Variants in ABL2 observed in about 807,000 individuals in gnomAD.
ABL2 encodes tyrosine-protein kinase ABL2.
In ABL2, 49 loss-of-function variants were observed where a neutral mutation model predicts 107.7. The ratio of observed to expected loss-of-function variants is 0.45; its 90% CI spans 0.36 to 0.58. The LOEUF (loss-of-function observed/expected upper bound fraction) is 0.58, where lower values mean the gene tolerates loss of function less well. Ranked by LOEUF, ABL2 falls within the 20% of genes least tolerant of loss-of-function variation. The pLI, the probability that ABL2 is intolerant of heterozygous loss-of-function variation, is 0.00. For missense variants in ABL2, 1,245 were observed against 1,457.0 expected (o/e 0.85, Z 2.37); for synonymous variants, 549 against 548.6 (o/e 1.00, Z -0.01).
intron 1 of ABL2, among the ~76,000 whole-genome samples, chr1:179,226,372 G>A (rs532433056): frequency 2.1e-3 from 307 of 146,200 alleles, no homozygotes; most frequent in African/African-American, 7.5e-3. Flanking sequence ...GGAGTGGCGC[G>A]ATCTTGGCTC....
intron 1 of ABL2, among the ~76,000 whole-genome samples, chr1:179,136,145 C>T (rs541166557): frequency 6.6e-6 from 1 of 151,962 alleles, no homozygotes; most frequent in Non-Finnish European, 1.5e-5. Flanking sequence ...GGCGCCTCTG[C>T]CCGGCTGCCC....
chr1:179,120,326 A>C (rs778327552), intron 5 of ABL2, 52 bp from the exon 6 acceptor site: 1 of 1,161,034 alleles, frequency 8.6e-7, no homozygotes, highest in East Asian at 2.4e-5. Context: ...CAAACCCTCA[A>C]CTTAAAATCA....
At chr1:179,130,911 G>A (rs887900803) in intron 3 of ABL2, among the ~76,000 whole-genome samples, 31 of 151,224 alleles carry the variant, frequency 2.0e-4, no homozygotes, top group East Asian at 5.8e-4. Context: ...AGCCACTGCC[G>A]GGGAAAAAAA....
chr1:179,172,473 G>C (rs1251136070), intron 1 of ABL2, among the ~76,000 whole-genome samples: 1 of 152,126 alleles, frequency 6.6e-6, no homozygotes, highest in Admixed American at 6.5e-5. Flanking sequence ...ACCTACACAG[G>C]AGCTAAAGGT....
At chr1:179,111,281 C>CTTTTTTT (rs748453531) in intron 10 of ABL2, among the ~76,000 whole-genome samples, 3 of 82,272 alleles carry the variant, frequency 3.6e-5, no homozygotes, top group Admixed American at 1.5e-4. Flanking sequence ...AGTGCTCAGT[C>CTTTTTTT]TTTTTTTTTT....
intron 1 of ABL2, among the ~76,000 whole-genome samples, chr1:179,144,045 A>T (rs968487649): frequency 5.9e-5 from 9 of 152,234 alleles, no homozygotes; most frequent in South Asian, 2.1e-4. Context: ...GTTAATAAAC[A>T]GGAACAAAGT....
At chr1:179,176,828 T>G (rs1660078252) in intron 1 of ABL2, among the ~76,000 whole-genome samples, 1 of 151,480 alleles carries the variant, frequency 6.6e-6, no homozygotes, top group Non-Finnish European at 1.5e-5. Flanking sequence ...CCCAAGTAGC[T>G]GGGATTACAG....
chr1:179,111,345 G>A (rs1484525951), intron 10 of ABL2, among the ~76,000 whole-genome samples: 1 of 146,466 alleles, frequency 6.8e-6, no homozygotes, highest in African/African-American at 2.6e-5. Context: ...AAGTGCAGAG[G>A]TGCGATCTCA....
chr1:179,140,984 C>T (rs1402839987), intron 1 of ABL2, among the ~76,000 whole-genome samples: 5 of 151,876 alleles, frequency 3.3e-5, no homozygotes, highest in Non-Finnish European at 7.4e-5. Flanking sequence ...GGTGTGGTGG[C>T]GGGTGCCTGT....
intron 1 of ABL2, among the ~76,000 whole-genome samples, chr1:179,191,304 A>G (rs577791665): frequency 4.9e-4 from 74 of 152,182 alleles, no homozygotes; most frequent in African/African-American, 1.7e-3. Flanking sequence ...AGATGATTGC[A>G]CTTAATTTTC....
intron 1 of ABL2, chr1:179,196,721 A>G (rs953798469): frequency 6.6e-6 from 1 of 151,890 alleles, no homozygotes; most frequent in Admixed American, 6.6e-5. Context: ...GATCAGCACC[A>G]CTGCACTCCA....
chr1:179,221,013 T>C (rs1209557131), intron 1 of ABL2: 1 of 216,696 alleles, frequency 4.6e-6, no homozygotes, highest in Non-Finnish European at 9.8e-6. Flanking sequence ...AATTTACAGA[T>C]GAGGCTTTCA....
At chr1:179,155,212 A>G (rs1658610306) in intron 1 of ABL2, among the ~76,000 whole-genome samples, 2 of 152,186 alleles carry the variant, frequency 1.3e-5, no homozygotes, top group Admixed American at 1.3e-4. Context: ...GACTTTGAAA[A>G]CAGCCAGGCC....
At chr1:179,168,461 C>G (rs1008292650) in intron 1 of ABL2, among the ~76,000 whole-genome samples, 6 of 151,938 alleles carry the variant, frequency 3.9e-5, no homozygotes, top group Admixed American at 1.3e-4. Flanking sequence ...CTGAATCCAA[C>G]CAAGATGCAG....
intron 1 of ABL2, among the ~76,000 whole-genome samples, chr1:179,204,109 C>T (rs527394212): frequency 1.7e-4 from 26 of 152,084 alleles, no homozygotes; most frequent in Non-Finnish European, 2.4e-4. Context: ...TCACTGCAAC[C>T]TCCACCTCCC....
At position 179,201,855 on chromosome 1, in the gene ABL2, CTT is replaced by C. The variant is rs1661688053; in HGVS notation, c.157+27384_157+27385del. 1.7e-5 allele frequency: 22 copies of C among 1,326,432 alleles called. No homozygotes were observed. The East Asian group carries it at 6.3e-4, about 38-fold the overall frequency. 82.2% of individuals were successfully genotyped at this position (1,326,432 alleles called of 1,614,324 possible). On this transcript the variant is annotated intron_variant, in intron 1 of 11. Coordinates refer to ENST00000502732, the MANE Select transcript of ABL2 (RefSeq NM_007314.4). ...GGTGACAGAAGAAGACAAAAGGACT[CTT>C]TGAGACATCAAGACCCTCTACAACA...
intron 1 of ABL2, among the ~76,000 whole-genome samples, chr1:179,138,378 C>T (rs759856582): frequency 7.5e-4 from 114 of 152,184 alleles, no homozygotes; most frequent in Non-Finnish European, 3.1e-4. Context: ...CGATTACAAG[C>T]ACGAGCCACC....
At chr1:179,172,785 T>C (rs1659796551) in intron 1 of ABL2, among the ~76,000 whole-genome samples, 1 of 152,188 alleles carries the variant, frequency 6.6e-6, no homozygotes, top group Non-Finnish European at 1.5e-5. Context: ...GGCAAATCTC[T>C]TAAGATACTA....
intron 1 of ABL2, among the ~76,000 whole-genome samples, chr1:179,167,127 T>C (rs1270778216): frequency 6.6e-6 from 1 of 152,082 alleles, no homozygotes; most frequent in Non-Finnish European, 1.5e-5. Context: ...TTATACACAA[T>C]AGGAAAGATA....
Sources: allele counts gnomAD v4.1 joint callset (sites outside exome capture counted in the v4.1 genomes callset), GRCh38; gene constraint gnomAD v4.1.1; transcripts MANE v1.5; gene names NCBI Gene and HGNC (gene_info 2026-07-23, HGNC 2026-07-21).